TRIM45: variants seen among roughly 807,000 people sequenced by gnomAD.
The protein encoded by TRIM45 is tripartite motif containing 45, also known as E3 ubiquitin-protein ligase TRIM45.
A neutral mutation model predicts 46.7 loss-of-function variants in TRIM45; 45 were observed. The ratio of observed to expected loss-of-function variants is 0.96; its 90% confidence interval spans 0.76 to 1.24. The LOEUF is 1.24. Ranked by LOEUF, TRIM45 falls within the 50% of genes most tolerant of loss-of-function variation. The pLI is 0.00. For synonymous variants in TRIM45, 259 were observed against 285.8 expected, an observed-to-expected ratio of 0.91 and a Z score of 0.94; for missense variants, 680 against 728.4, an observed-to-expected ratio of 0.93 and a Z score of 0.77.
chr1:117,115,570 C>A lies in TRIM45; in HGVS notation c.1467+5G>T. On this transcript the variant is annotated splice_donor_5th_base_variant and intron_variant, in intron 4 of 5. Coordinates refer to ENST00000256649, the MANE Select transcript of TRIM45 (RefSeq NM_025188.4). The surrounding 1 kb of genome is among the most constrained non-coding windows in gnomAD (Gnocchi z 4.2). ...AGCTCAGGGAAGCACGTGCACCAGT[C>A]TTACCTGCACATGCTGTTCTTTGAT... 1 of 1,608,826 alleles carries A rather than the reference C, an allele frequency of 6.2e-7. No homozygotes were observed. The highest frequency in any genetic ancestry group is 1.1e-5 in the South Asian group (1 of 90,944).
Position 117,121,289 on chromosome 1 carries a change from G to A in TRIM45, c.-88C>T, listed in dbSNP as rs1434071688. ...GTGATTAAGCCCACCCAAAGAGAAA[G>A]TCTCCAGAACTTGAACAGAGACCAT... is the stretch of plus-strand genomic sequence containing the variant. On this transcript the variant is annotated 5_prime_UTR_variant, in exon 1 of 6. Coordinates refer to ENST00000256649, the MANE Select transcript of TRIM45 (RefSeq NM_025188.4). This position sits in a 1 kb window ranked among gnomAD's most constrained non-coding sequence, Gnocchi z 4.2. The A allele has an allele frequency of 8.2e-6, 12 of 1,470,436 alleles. No individual in the cohort carries two copies. The highest frequency in any genetic ancestry group is 5.6e-5 in the African/African-American group (4 of 71,044). The allele number at this position is 1,470,436 out of a possible 1,614,324, so 91.1% of individuals were successfully genotyped here.
In TRIM45 at chr1:117,121,165, T is replaced by C; in HGVS notation, c.37A>G (p.Ser13Gly). 2 of 1,583,144 alleles carry C rather than the reference T, an allele frequency of 1.3e-6. No individual in the cohort carries two copies. Among genetic ancestry groups the C allele is most frequent in the Non-Finnish European group, 1.7e-6 (2 of 1,166,214 alleles). ...ENRKPLLGFV[S>G]KLTSGTALGN... is the part of the protein sequence containing the mutation. ...AGTGCAGTCCCACTAGTGAGTTTGC[T>C]TACAAAGCCCAGCAGCGGTTTTCTG... The change falls in exon 1 of 6, where the codon AGC becomes GGC. Residue 13 changes from serine to glycine, a missense_variant. Transcript: ENST00000256649. The surrounding 1 kb of genome is among the most constrained non-coding windows in gnomAD (Gnocchi z 4.2).
At position 117,116,975 on chromosome 1, in the gene TRIM45, T is replaced by TG. The variant is rs1487530907; in HGVS notation, c.1223-231_1223-230insC. Reference sequence around the variant, plus strand: ...TTTGGATCACACAGGATCCTGGACCTTACCTTCAGTCCTAGGACTGAAGGT... The same window carrying TG: ...TTTGGATCACACAGGATCCTGGACCTGTACCTTCAGTCCTAGGACTGAAGGT... On this transcript the variant is annotated intron_variant, in intron 2 of 5. Transcript: ENST00000256649. This position sits in a 1 kb window ranked among gnomAD's most constrained non-coding sequence, Gnocchi z 4.6. Among the ~76,000 whole-genome samples the TG allele has an allele frequency of 5.9e-5, 9 of 152,078 alleles. No homozygotes were observed. The highest frequency in any genetic ancestry group is 1.3e-4 in the Non-Finnish European group (9 of 68,012).
rs747668601 is a variant in TRIM45 at position 117,112,454 on chromosome 1, C to T, written c.1595-1G>A. ...CCATGGCCACAGCCTAGGTACCCAC[C>T]TACATGGGACAAAGAGGAAAGGACA... On this transcript the variant is annotated splice_acceptor_variant, in intron 5 of 5. Transcript: ENST00000256649. LOFTEE classifies it high-confidence loss of function. 3 of 1,607,470 alleles carry T rather than the reference C, an allele frequency of 1.9e-6. No individual in the cohort carries two copies. Among genetic ancestry groups the T allele is most frequent in the Non-Finnish European group, 2.5e-6 (3 of 1,177,514 alleles).
rs771966724 is a variant in TRIM45, at chr1:117,118,283, G to T, written c.973C>A (p.Arg325=). 2 of 1,614,154 alleles carry T rather than the reference G, an allele frequency of 1.2e-6. No individual in the cohort carries two copies. The highest frequency in any genetic ancestry group is 1.7e-6 in the Non-Finnish European group (2 of 1,180,036). Residue 325 remains arginine, a synonymous_variant, in exon 2 of 6, where the codon CGG becomes AGG. Transcript: ENST00000256649. The surrounding 1 kb of genome is among the most constrained non-coding windows in gnomAD (Gnocchi z 5.7). The part of the protein sequence containing the change: ...AQLEQLLADM[R]TGVEFTEHLL... ...TGCTCGGTGAACTCCACTCCAGTCC[G>T]CATGTCTGCCAGTAACTGTTCCAGC... is the stretch of plus-strand genomic sequence containing the variant.
Position 117,111,658 on chromosome 1 carries a change from T to C in TRIM45, c.*647A>G, listed in dbSNP as rs554829547. On this transcript the variant is annotated 3_prime_UTR_variant, in exon 6 of 6. Transcript: ENST00000256649. Reference sequence around the variant, plus strand: ...CAGAGAAAAATGAAAAAGGTCATAATAGGCCAGGTGTGGTGGCTCATGCTT... The same window carrying C: ...CAGAGAAAAATGAAAAAGGTCATAACAGGCCAGGTGTGGTGGCTCATGCTT... The C allele has an allele frequency of 6.6e-6, 1 of 152,224 alleles. No homozygotes were observed. The highest frequency in any genetic ancestry group is 2.1e-4 in the South Asian group (1 of 4,820). 9.4% of individuals were successfully genotyped at this position (152,224 alleles called of 1,614,324 possible).
chr1:117,120,000 CTAGGATGGGGTAAGG>C (rs1650562063), intron 1 of TRIM45, among the ~76,000 whole-genome samples: 2 of 152,078 alleles, frequency 1.3e-5, no homozygotes, highest in South Asian at 4.2e-4. Context: ...TTCTGGTGTC[CTAGGATGGGGTAAGG>C]TAAGAGTACG....
chr1:117,113,473 T>C lies in TRIM45; in HGVS notation c.1480A>G (p.Thr494Ala). 1 of 1,612,830 alleles carries C rather than the reference T, an allele frequency of 6.2e-7. No individual in the cohort carries two copies. Among genetic ancestry groups the C allele is most frequent in the Non-Finnish European group, 8.5e-7 (1 of 1,180,000 alleles). ...KEQHVQGSPF[T>A]VMVRRKHRPH... ...CGGTGCTTTCTCCTCACCATCACAG[T>C]GAATGGCGAGCCCTGCAGTGTTCAG... Residue 494 changes from threonine to alanine, a missense_variant, in exon 5 of 6, where the codon ACT becomes GCT. This residue lies in a region of TRIM45 where 322 missense variants were observed against 359.3 expected (regional missense o/e 0.90). Coordinates refer to ENST00000256649, the MANE Select transcript of TRIM45 (RefSeq NM_025188.4). This position sits in a 1 kb window ranked among gnomAD's most constrained non-coding sequence, Gnocchi z 4.0.
rs1650636319 is a variant in TRIM45 at position 117,121,592 on chromosome 1, A to G, written c.-391T>C. The G allele has an allele frequency of 4.0e-6, 2 of 503,404 alleles. No homozygotes were observed. The highest frequency in any genetic ancestry group is 7.0e-6 in the Non-Finnish European group (2 of 286,134). 31.2% of individuals were successfully genotyped at this position (503,404 alleles called of 1,614,324 possible). A position where few individuals can be genotyped will look rare whatever the true frequency, so the allele number is the denominator to read the frequency against. On this transcript the variant is annotated 5_prime_UTR_variant, in exon 1 of 6. Transcript: ENST00000256649. This position sits in a 1 kb window ranked among gnomAD's most constrained non-coding sequence, Gnocchi z 4.2. ...GCCCCACTGCGCGCCACACGCGACA[A>G]GCGCCGACCCCACCCGCGCACGATG...
In TRIM45 at chr1:117,113,515, A is replaced by C. The variant is rs574213918; in HGVS notation, c.1468-30T>G. 2.5e-6 allele frequency: 4 copies of C among 1,606,510 alleles called. No individual in the cohort carries two copies. In the South Asian group the frequency reaches 3.3e-5, roughly 13 times the overall value. ...AGTGTTCAGACCAAAAGCAATGAAC[A>C]GCATCTTACGAGTTAACAGGATGTG... On this transcript the variant is annotated intron_variant, in intron 4 of 5. Coordinates refer to ENST00000256649, the MANE Select transcript of TRIM45 (RefSeq NM_025188.4). The surrounding 1 kb of genome is among the most constrained non-coding windows in gnomAD (Gnocchi z 4.0).
Position 117,117,592 on chromosome 1 carries a change from C to G in TRIM45, c.1222+442G>C, listed in dbSNP as rs541582672. Among the ~76,000 whole-genome samples the G allele has an allele frequency of 6.6e-6, 1 of 152,254 alleles. No individual in the cohort carries two copies. The highest frequency in any genetic ancestry group is 1.5e-5 in the Non-Finnish European group (1 of 68,026). On this transcript the variant is annotated intron_variant, in intron 2 of 5. Coordinates refer to ENST00000256649, the MANE Select transcript of TRIM45 (RefSeq NM_025188.4). The surrounding 1 kb of genome is among the most constrained non-coding windows in gnomAD (Gnocchi z 4.9). ...AAAGTTGATGTGAACCAAAAAGGGC[C>G]TAAAGGAAAGGAAACCGTAATCTCA...
chr1:117,119,648 G>A (rs1650547347), intron 1 of TRIM45, among the ~76,000 whole-genome samples: 1 of 151,942 alleles, frequency 6.6e-6, no homozygotes, highest in South Asian at 2.1e-4. Flanking sequence ...GAAACCAATG[G>A]TTAGTAGAAT....
Position 117,120,893 on chromosome 1 carries a change from C to A in TRIM45, c.309G>T (p.Leu103=), listed in dbSNP as rs1324950070. The change falls in exon 1 of 6, where the codon CTG becomes CTT. Residue 103 remains leucine (L), a synonymous_variant. Transcript: ENST00000256649. ...TTAAAGCCTTCACTCCACCCATGGG[C>A]AGGTCCACCTGAGCATCACATACAG... The part of the protein sequence containing the change: ...LCPVCDAQVD[L]PMGGVKALTI... The A allele has an allele frequency of 2.5e-6, 4 of 1,614,108 alleles. No homozygotes were observed. In the African/African-American group the frequency reaches 5.3e-5, roughly 22 times the overall value.
chr1:117,121,155 G>T lies in TRIM45; in HGVS notation c.47C>A (p.Thr16Asn), dbSNP rs1414646029. 1 of 1,592,046 alleles carries T rather than the reference G, an allele frequency of 6.3e-7. No homozygotes were observed. Among genetic ancestry groups the T allele is most frequent in the South Asian group, 1.1e-5 (1 of 89,110 alleles). The change falls in exon 1 of 6, where the codon ACT (threonine) becomes AAT (asparagine). Residue 16 changes from threonine to asparagine, a missense_variant. Transcript: ENST00000256649. The surrounding 1 kb of genome is among the most constrained non-coding windows in gnomAD (Gnocchi z 4.2). ...KPLLGFVSKL[T>N]SGTALGNSGK... ...TGAGTTCCCAAGTGCAGTCCCACTAGTGAGTTTGCTTACAAAGCCCAGCAG... is the reference window on the plus strand; with the variant it reads ...TGAGTTCCCAAGTGCAGTCCCACTATTGAGTTTGCTTACAAAGCCCAGCAG...
At position 117,118,557 on chromosome 1, in the gene TRIM45, C is replaced by G. The variant is rs763594038; in HGVS notation, c.699G>C (p.Lys233Asn). The G allele has an allele frequency of 6.2e-7, 1 of 1,614,222 alleles. No individual in the cohort carries two copies. The highest frequency in any genetic ancestry group is 2.2e-5 in the East Asian group (1 of 44,884). The stretch of plus-strand genomic sequence containing the variant: ...GGAGCTCCCACACAGAGTCCCCATG[C>G]TTGTGGATGACATTGCTGGTGAAGT... ...PCDFTSNVIH[K>N]HGDSVWELLK... The change falls in exon 2 of 6, where the codon AAG becomes AAC. Residue 233 changes from lysine to asparagine, a missense_variant. Physicochemically the swap from Lys to Asn is moderately conservative, Grantham distance 94. Transcript: ENST00000256649. The surrounding 1 kb of genome is among the most constrained non-coding windows in gnomAD (Gnocchi z 5.7).
chr1:117,123,451 T>G (rs1650741272), upstream of TRIM45, among the ~76,000 whole-genome samples: 1 of 152,192 alleles, frequency 6.6e-6, no homozygotes, highest in Non-Finnish European at 1.5e-5. Context: ...AATTTACACG[T>G]GCAATATCTC....
chr1:117,121,136 C>T lies in TRIM45; in HGVS notation c.66G>A (p.Gly22=), dbSNP rs1165826707. The T allele has an allele frequency of 3.1e-6, 5 of 1,609,292 alleles. No individual in the cohort carries two copies. Among genetic ancestry groups the T allele is most frequent in the Non-Finnish European group, 4.2e-6 (5 of 1,177,682 alleles). Residue 22 remains glycine (G), a synonymous_variant, in exon 1 of 6, where the codon GGG becomes GGA. Transcript: ENST00000256649. The surrounding 1 kb of genome is among the most constrained non-coding windows in gnomAD (Gnocchi z 4.2). The part of the protein sequence containing the change: ...VSKLTSGTAL[G]NSGKTHCPLC... ...GGGGGCAGTGAGTCTTGCCTGAGTT[C>T]CCAAGTGCAGTCCCACTAGTGAGTT...
intron 1 of TRIM45, among the ~76,000 whole-genome samples, chr1:117,119,635 T>G (rs546222548): frequency 4.7e-5 from 7 of 149,506 alleles, no homozygotes; most frequent in African/African-American, 1.7e-4. Context: ...GAAAAGAAAG[T>G]GTGAAACCAA....
At chr1:117,122,867 T>C (rs1650711179), upstream of TRIM45, among the ~76,000 whole-genome samples, 1 of 152,326 alleles carries the variant, frequency 6.6e-6, no homozygotes, top group Admixed American at 6.5e-5. Context: ...TGCGTCAGCT[T>C]GTCTACTGGG....
Sources: allele counts gnomAD v4.1 joint callset (sites outside exome capture counted in the v4.1 genomes callset), GRCh38; gene constraint gnomAD v4.1.1; regional missense constraint gnomAD v4.1.1; non-coding constraint Gnocchi (gnomAD v3.1); transcripts MANE v1.5; gene names NCBI Gene and HGNC (gene_info 2026-07-23, HGNC 2026-07-21).